COP1: variants seen among roughly 807,000 people sequenced by gnomAD.
COP1 encodes E3 ubiquitin-protein ligase COP1.
A neutral mutation model predicts 101.3 loss-of-function variants in COP1; 24 were observed. The observed-to-expected ratio is 0.24, with a 90% CI of 0.17 to 0.33. The LOEUF (loss-of-function observed/expected upper bound fraction) is 0.33, where lower values mean the gene tolerates loss of function less well. Among genes scored for constraint, COP1 ranks in the 10% least tolerant of loss-of-function variants. The pLI is 1.00. For synonymous variants in COP1, 347 were observed against 341.9 expected (o/e 1.01, Z -0.17); for missense variants, 663 against 906.2 (o/e 0.73, Z 3.45).
intron 10 of COP1, among the ~76,000 whole-genome samples, chr1:176,085,512 CTACA>C (rs1679973043): frequency 6.6e-6 from 1 of 152,018 alleles, no homozygotes; most frequent in Admixed American, 6.6e-5. Flanking sequence ...TTTTTGTTGG[CTACA>C]TATTCATAGC....
In COP1 at chr1:175,953,950, GAACT is replaced by G. The variant is rs199744717; in HGVS notation, c.2134-6715_2134-6712del. On this transcript the variant is annotated intron_variant, in intron 18 of 19. Coordinates refer to ENST00000367669, the MANE Select transcript of COP1 (RefSeq NM_022457.7). ...TAAACAATAGCATAAAAACCAAACT[GAACT>G]AACTGACATTTACAGAAAGTTTTAT... 1.9e-4 allele frequency among the ~76,000 whole-genome samples: 29 copies of G among 152,126 alleles called. No homozygotes were observed. In the East Asian group the frequency reaches 1.9e-3, roughly 10 times the overall value.
At position 176,149,040 on chromosome 1, in the gene COP1, T is replaced by C; in HGVS notation, c.797A>G (p.Glu266Gly). 6.3e-7 allele frequency: 1 copy of C among 1,588,828 alleles called. No homozygotes were observed. The highest frequency in any genetic ancestry group is 1.7e-5 in the Admixed American group (1 of 58,402). ...ATTTCTTCTTGCAACCTTGAGGAAT[T>C]CCATAAGAATCTGTAGTTGGGCTGC... ...SHAAQLQILM[E>G]FLKVARRNKR... Residue 266 changes from glutamate to glycine, a missense_variant, in exon 6 of 20, where the codon GAA (glutamate) becomes GGA (glycine). This residue lies in a region of COP1 where 212 missense variants were observed against 240.7 expected (regional missense o/e 0.88). Coordinates refer to ENST00000367669, the MANE Select transcript of COP1 (RefSeq NM_022457.7).
At chr1:175,964,184 T>C (rs1651720732) in intron 18 of COP1, among the ~76,000 whole-genome samples, 2 of 152,170 alleles carry the variant, frequency 1.3e-5, no homozygotes, top group African/African-American at 2.4e-5. Flanking sequence ...TTAATGGTGA[T>C]AGGAGGCAAA....
At chr1:176,205,564 A>G (rs1471953269) in intron 1 of COP1, among the ~76,000 whole-genome samples, 1 of 152,170 alleles carries the variant, frequency 6.6e-6, no homozygotes, top group East Asian at 1.9e-4. Flanking sequence ...TTGATCAACA[A>G]TTTCCTCAAA....
At chr1:175,993,724 C>T (rs572507417) in intron 15 of COP1, among the ~76,000 whole-genome samples, 1 of 152,132 alleles carries the variant, frequency 6.6e-6, no homozygotes, top group African/African-American at 2.4e-5. Flanking sequence ...AGCAAAGCCT[C>T]CAAGAAATAT....
chr1:175,984,027 T>C (rs1429383825), intron 18 of COP1, among the ~76,000 whole-genome samples: 2 of 152,126 alleles, frequency 1.3e-5, no homozygotes, highest in Admixed American at 6.5e-5. Context: ...GACAATGCAA[T>C]AGAAAAGAAA....
intron 1 of COP1, among the ~76,000 whole-genome samples, chr1:176,194,040 C>CA (rs1699387337): frequency 6.6e-6 from 1 of 152,114 alleles, no homozygotes; most frequent in Admixed American, 6.5e-5. Flanking sequence ...TACACTATTG[C>CA]AAAATTTTTA....
chr1:175,974,561 G>T (rs1308441399), intron 18 of COP1, among the ~76,000 whole-genome samples: 1 of 152,094 alleles, frequency 6.6e-6, no homozygotes, highest in Non-Finnish European at 1.5e-5. Context: ...AAATAACAAT[G>T]ATTAATATGG....
intron 1 of COP1, among the ~76,000 whole-genome samples, chr1:176,203,546 G>C (rs1335628050): frequency 6.6e-6 from 1 of 152,098 alleles, no homozygotes; most frequent in Admixed American, 6.5e-5. Context: ...ATACAGACCA[G>C]ACTCACAGTC....
At chr1:176,196,868 T>G (rs1699749838) in intron 1 of COP1, among the ~76,000 whole-genome samples, 1 of 139,274 alleles carries the variant, frequency 7.2e-6, no homozygotes, top group African/African-American at 2.7e-5. Context: ...ACAGTGAGAC[T>G]CCTGTCTCTA....
At chr1:176,037,570 A>T (rs1228383308) in intron 14 of COP1, among the ~76,000 whole-genome samples, 2 of 152,190 alleles carry the variant, frequency 1.3e-5, no homozygotes, top group East Asian at 3.9e-4. Flanking sequence ...AAACAAAAAA[A>T]CCTCAAGTCA....
chr1:175,993,963 T>G (rs937889772), intron 15 of COP1, among the ~76,000 whole-genome samples: 6 of 151,776 alleles, frequency 4.0e-5, no homozygotes, highest in East Asian at 1.9e-4. Context: ...AAAGTTGAAA[T>G]GAAGGAAAAA....
At chr1:176,133,694 A>C (rs1244511946) in intron 8 of COP1, among the ~76,000 whole-genome samples, 1 of 151,922 alleles carries the variant, frequency 6.6e-6, no homozygotes, top group East Asian at 1.9e-4. Context: ...AAAATCCAAC[A>C]ATCAGTGAGA....
chr1:176,184,771 A>G, intron 1 of COP1, 79 bp from the exon 2 acceptor site: 1 of 953,108 alleles, frequency 1.0e-6, no homozygotes, highest in Non-Finnish European at 1.7e-6. Context: ...TAACAATACC[A>G]ATGAAATCAT....
chr1:176,040,816 T>A (rs1296971315), intron 14 of COP1, among the ~76,000 whole-genome samples: 1 of 152,170 alleles, frequency 6.6e-6, no homozygotes, highest in Non-Finnish European at 1.5e-5. Flanking sequence ...GAAATAAAGC[T>A]TCCAATGCTA....
chr1:176,073,901 T>A (rs1056829425), intron 11 of COP1, among the ~76,000 whole-genome samples: 5 of 152,244 alleles, frequency 3.3e-5, no homozygotes, highest in Non-Finnish European at 7.3e-5. Context: ...AACAAAATAA[T>A]GCACCAAATT....
intron 18 of COP1, among the ~76,000 whole-genome samples, 156 bp downstream of exon 18, chr1:175,986,787 T>C (rs1657229415): frequency 6.6e-6 from 1 of 152,216 alleles, no homozygotes; most frequent in South Asian, 2.1e-4. Flanking sequence ...TTTCAATCAC[T>C]ACCTAAAATG....
intron 9 of COP1, among the ~76,000 whole-genome samples, chr1:176,112,730 T>G (rs1685510752): frequency 6.6e-6 from 1 of 152,194 alleles, no homozygotes; most frequent in African/African-American, 2.4e-5. Context: ...TTCCCTTCTC[T>G]GCCTACTACC....
At chr1:176,052,140 T>G (rs1672676784) in intron 11 of COP1, among the ~76,000 whole-genome samples, 1 of 152,186 alleles carries the variant, frequency 6.6e-6, no homozygotes, top group African/African-American at 2.4e-5. Context: ...CCTATACACG[T>G]GTACCAGTTT....
Sources: gnomAD v4.1 joint callset for allele counts (sites outside exome capture counted in the v4.1 genomes callset) on GRCh38, gnomAD v4.1.1 for gene constraint, gnomAD v4.1.1 regional missense constraint, MANE v1.5 for transcripts, NCBI Gene and HGNC (gene_info 2026-07-23, HGNC 2026-07-21) for gene names.